ACAN: variants seen among roughly 807,000 people sequenced by gnomAD.
The protein encoded by ACAN is aggrecan core protein.
A neutral mutation model predicts 169.1 loss-of-function variants in ACAN; 47 were observed. That is an observed-to-expected ratio of 0.28 (90% CI 0.22 to 0.35). The LOEUF is 0.35. Ranked by LOEUF, ACAN falls within the 10% of genes least tolerant of loss-of-function variation. The pLI is 1.00. For synonymous variants in ACAN, 1,115 were observed against 1,112.2 expected (o/e 1.00, Z -0.05); for missense variants, 2,716 against 2,759.9 (o/e 0.98, Z 0.36).
intron 7 of ACAN, among the ~76,000 whole-genome samples, chr15:88,846,887 G>A (rs1596137726): frequency 6.6e-6 from 1 of 152,144 alleles, no homozygotes; most frequent in South Asian, 2.1e-4. Context: ...TCCAGAAAAC[G>A]CTTCCAACTC....
chr15:88,813,139 C>G (rs1895861978), intron 1 of ACAN, among the ~76,000 whole-genome samples: 1 of 152,170 alleles, frequency 6.6e-6, no homozygotes, highest in Admixed American at 6.5e-5. Context: ...TCTCCAGCAC[C>G]TAGGAAATGC....
At position 88,874,578 on chromosome 15, in the gene ACAN, G is replaced by C. The variant is rs770148257; in HGVS notation, c.*97G>C. The C allele has an allele frequency of 1.1e-5, 13 of 1,157,568 alleles. No individual in the cohort carries two copies. The highest frequency in any genetic ancestry group is 1.6e-5 in the Non-Finnish European group (13 of 790,204). 71.7% of individuals were successfully genotyped at this position (1,157,568 alleles called of 1,614,324 possible). ...CGGTGTCCTCTTCTTGTCGCTTTTT[G>C]TCATATAAGGAATCCCATTAAAGAA... On this transcript the variant is annotated 3_prime_UTR_variant, in exon 19 of 19. Coordinates refer to ENST00000560601, the MANE Select transcript of ACAN (RefSeq NM_001369268.1). The surrounding 1 kb of genome is among the most constrained non-coding windows in gnomAD (Gnocchi z 7.3).
Position 88,858,155 on chromosome 15 carries a change from G to T in ACAN, c.5570G>T (p.Gly1857Val), listed in dbSNP as rs777548435. The T allele has an allele frequency of 1.2e-6, 2 of 1,613,908 alleles. No individual in the cohort carries two copies. The highest frequency in any genetic ancestry group is 1.7e-6 in the Non-Finnish European group (2 of 1,179,884). Reference sequence around the variant, plus strand: ...GGCTTAGGGTCTGTGGAACTCAGTGGCCTCCCTTCCGGAGAGGCAGATCTG... The same window carrying T: ...GGCTTAGGGTCTGTGGAACTCAGTGTCCTCCCTTCCGGAGAGGCAGATCTG... ...EEGLGSVELS[G>V]LPSGEADLSG... Residue 1857 changes from glycine to valine, a missense_variant, in exon 12 of 19, where the codon GGC (glycine) becomes GTC (valine). By Grantham distance (109) the Gly-to-Val change is moderately radical (BLOSUM62 -3). This residue lies in a region of ACAN where 1,389 missense variants were observed against 1,363.7 expected (regional missense o/e 1.02). Coordinates refer to ENST00000560601, the MANE Select transcript of ACAN (RefSeq NM_001369268.1). This position sits in a 1 kb window ranked among gnomAD's most constrained non-coding sequence, Gnocchi z 4.0.
At chr15:88,821,994 A>G (rs981335391) in intron 1 of ACAN, among the ~76,000 whole-genome samples, 2 of 152,240 alleles carry the variant, frequency 1.3e-5, no homozygotes, top group African/African-American at 4.8e-5. Flanking sequence ...AGTCATGCAG[A>G]CAGCATTGCC....
chr15:88,858,584 G>C lies in ACAN; in HGVS notation c.5999G>C (p.Gly2000Ala), dbSNP rs367930275. Reference sequence around the variant, plus strand: ...ATAGAGCCCAGCGGAGAGCCACCAGGTACTCCATATTTTAGTGGGGATTTT... The same window carrying C: ...ATAGAGCCCAGCGGAGAGCCACCAGCTACTCCATATTTTAGTGGGGATTTT... ...GLIEPSGEPP[G>A]TPYFSGDFAS... Residue 2000 changes from glycine (G) to alanine (A), a missense_variant, in exon 12 of 19, where the codon GGT becomes GCT. Coordinates refer to ENST00000560601, the MANE Select transcript of ACAN (RefSeq NM_001369268.1). The surrounding 1 kb of genome is among the most constrained non-coding windows in gnomAD (Gnocchi z 4.0). 1.2e-6 allele frequency: 2 copies of C among 1,613,882 alleles called. No individual in the cohort carries two copies. The highest frequency in any genetic ancestry group is 2.2e-5 in the South Asian group (2 of 91,082).
At chr15:88,831,812 C>T (rs1038942574) in intron 1 of ACAN, among the ~76,000 whole-genome samples, 3 of 152,100 alleles carry the variant, frequency 2.0e-5, no homozygotes, top group African/African-American at 7.2e-5. Flanking sequence ...TCTGTGGCTC[C>T]AGGGGGTAAA....
intron 1 of ACAN, among the ~76,000 whole-genome samples, chr15:88,812,247 A>G (rs1042227210): frequency 4.6e-5 from 7 of 152,086 alleles, no homozygotes; most frequent in Non-Finnish European, 1.0e-4. Context: ...AGCAAGACTT[A>G]TGTACACCAG....
chr15:88,824,305 G>A lies in ACAN; in HGVS notation c.-7-11895G>A, dbSNP rs192280437. Among the ~76,000 whole-genome samples, 641 of 149,060 alleles carry A rather than the reference G, an allele frequency of 4.3e-3. 4 individuals carry two copies. The highest frequency in any genetic ancestry group is 7.2e-3 in the Non-Finnish European group (488 of 67,682). On this transcript the variant is annotated intron_variant, in intron 1 of 18. Transcript: ENST00000560601. ...CGCCACTGCACTCCCGGGTGACAGAGCGAGACTCCGTCTCAAAAAAAAAAA... is the reference window on the plus strand; with the variant it reads ...CGCCACTGCACTCCCGGGTGACAGAACGAGACTCCGTCTCAAAAAAAAAAA...
At position 88,858,765 on chromosome 15, in the gene ACAN, G is replaced by GAC; in HGVS notation, c.6189_6190dup (p.Pro2064HisfsTer29). 2 of 1,613,920 alleles carry GAC rather than the reference G, an allele frequency of 1.2e-6. No homozygotes were observed. The highest frequency in any genetic ancestry group is 8.5e-7 in the Non-Finnish European group (1 of 1,179,886). On this transcript the variant is annotated frameshift_variant, in exon 12 of 19. Transcript: ENST00000560601. LOFTEE classifies it high-confidence loss of function. This position sits in a 1 kb window ranked among gnomAD's most constrained non-coding sequence, Gnocchi z 4.0. ...AGGAACTAGGCCAAAGGCCCCCTGT[G>GAC]ACACACACACCCCAGCTTTTTGAGT...
At chr15:88,860,541 T>C in intron 13 of ACAN, 102 bp downstream of exon 13, 1 of 885,966 alleles carries the variant, frequency 1.1e-6, no homozygotes, top group Non-Finnish European at 1.8e-6. Context: ...CAAGGTCCAC[T>C]GAGGCTCAGG....
intron 8 of ACAN, 95 bp from the exon 9 acceptor site, chr15:88,847,816 C>A: frequency 2.1e-6 from 3 of 1,446,298 alleles, no homozygotes; most frequent in South Asian, 1.4e-5. Flanking sequence ...AAGACATCTC[C>A]AAGTCCCTGA....
chr15:88,813,699 G>A (rs1188114654), intron 1 of ACAN, among the ~76,000 whole-genome samples: 1 of 152,148 alleles, frequency 6.6e-6, no homozygotes, highest in Non-Finnish European at 1.5e-5. Context: ...CTTTTGAGCC[G>A]CAGGGTCCTA....
Position 88,873,467 on chromosome 15 carries a change from C to T in ACAN, c.7448-375C>T, listed in dbSNP as rs1009046318. Among the ~76,000 whole-genome samples the T allele has an allele frequency of 5.3e-5, 8 of 152,286 alleles. No homozygotes were observed. The highest frequency in any genetic ancestry group is 2.1e-4 in the South Asian group (1 of 4,824). On this transcript the variant is annotated intron_variant, in intron 17 of 18. Transcript: ENST00000560601. This position sits in a 1 kb window ranked among gnomAD's most constrained non-coding sequence, Gnocchi z 7.5. ...TGGACATTGAGGTGCTGGTAGGATG[C>T]GCCCCACTGCCCCTGCTCACCACCT...
chr15:88,874,267 A>T lies in ACAN; in HGVS notation c.7631-138A>T. The T allele has an allele frequency of 9.3e-7, 1 of 1,074,996 alleles. No homozygotes were observed. The allele number at this position is 1,074,996 out of a possible 1,614,324, so 66.6% of individuals were successfully genotyped here. ...AGCCAGAAAGTCCAAGAAAAATCCA[A>T]ATCAGGAAAGCCGATAAAGCCTCAG... On this transcript the variant is annotated intron_variant, in intron 18 of 18. Coordinates refer to ENST00000560601, the MANE Select transcript of ACAN (RefSeq NM_001369268.1). The surrounding 1 kb of genome is among the most constrained non-coding windows in gnomAD (Gnocchi z 7.3).
chr15:88,830,455 C>G (rs144628818), intron 1 of ACAN, among the ~76,000 whole-genome samples: 1 of 152,206 alleles, frequency 6.6e-6, no homozygotes, highest in Non-Finnish European at 1.5e-5. Context: ...CTACTACACT[C>G]CTAGGCCATA....
intron 1 of ACAN, among the ~76,000 whole-genome samples, chr15:88,830,931 T>C (rs1323910468): frequency 1.3e-5 from 2 of 152,178 alleles, no homozygotes; most frequent in African/African-American, 2.4e-5. Context: ...CCCATTAGAA[T>C]CTTACAGGAC....
At position 88,873,689 on chromosome 15, in the gene ACAN, A is replaced by T. The variant is rs1417443317; in HGVS notation, c.7448-153A>T. The T allele has an allele frequency of 1.4e-6, 1 of 738,220 alleles. No homozygotes were observed. The highest frequency in any genetic ancestry group is 2.2e-6 in the Non-Finnish European group (1 of 459,980). The allele number at this position is 738,220 out of a possible 1,614,324, so 45.7% of individuals were successfully genotyped here. A position where few individuals can be genotyped will look rare whatever the true frequency, so the allele number is the denominator to read the frequency against. ...GTTGAGGAACCCAGATGTTACAGCC[A>T]GCGGCTTCCAGATTCTTAGCGCTGC... On this transcript the variant is annotated intron_variant, in intron 17 of 18. Coordinates refer to ENST00000560601, the MANE Select transcript of ACAN (RefSeq NM_001369268.1). The surrounding 1 kb of genome is among the most constrained non-coding windows in gnomAD (Gnocchi z 7.5).
rs1040486294 is a variant in ACAN at position 88,871,087 on chromosome 15, G to A, written c.7061-295G>A. 5.3e-5 allele frequency among the ~76,000 whole-genome samples: 8 copies of A among 152,152 alleles called. No individual in the cohort carries two copies. The highest frequency in any genetic ancestry group is 8.8e-5 in the Non-Finnish European group (6 of 68,026). On this transcript the variant is annotated intron_variant, in intron 14 of 18. Transcript: ENST00000560601. This position sits in a 1 kb window ranked among gnomAD's most constrained non-coding sequence, Gnocchi z 7.8. ...TTGAACTGGACTGCTGACCTCTGCC[G>A]GCCCAGCAGAGCAGGCATCAAGAGG...
chr15:88,860,261 C>A (rs1274023846), intron 12 of ACAN, 65 bp from the exon 13 acceptor site: 5 of 1,241,684 alleles, frequency 4.0e-6, no homozygotes, highest in Non-Finnish European at 4.5e-6. Context: ...ACTTTGAGGT[C>A]TTGGAGGCCA....
Sources: allele counts gnomAD v4.1 joint callset (sites outside exome capture counted in the v4.1 genomes callset), GRCh38; gene constraint gnomAD v4.1.1; regional missense constraint gnomAD v4.1.1; non-coding constraint Gnocchi (gnomAD v3.1); transcripts MANE v1.5; gene names NCBI Gene and HGNC (gene_info 2026-07-23, HGNC 2026-07-21).